SAG: variants seen among roughly 807,000 people sequenced by gnomAD.
SAG encodes the protein S-antigen visual arrestin, also known as S-arrestin.
A neutral mutation model predicts 55.0 loss-of-function variants in SAG; 45 were observed. The ratio of observed to expected loss-of-function variants is 0.82; its 90% confidence interval spans 0.64 to 1.05. SAG has a LOEUF of 1.05. SAG is among the 50% of genes least tolerant of loss of function. The pLI, the probability that SAG is intolerant of heterozygous loss-of-function variation, is 0.00. For missense variants in SAG, 455 were observed against 512.1 expected, an observed-to-expected ratio of 0.89 and a Z score of 1.08; for synonymous variants, 189 against 197.4, an observed-to-expected ratio of 0.96 and a Z score of 0.36.
intron 3 of SAG, among the ~76,000 whole-genome samples, chr2:233,318,148 C>A (rs1480364951): frequency 6.6e-6 from 1 of 151,528 alleles, no homozygotes; most frequent in African/African-American, 2.4e-5. Flanking sequence ...CCATGCCCTG[C>A]TAACTTTTTT....
chr2:233,327,401 C>G lies in SAG; in HGVS notation c.512+204C>G, dbSNP rs1700596254. On this transcript the variant is annotated intron_variant, in intron 7 of 15. Coordinates refer to ENST00000409110, the MANE Select transcript of SAG (RefSeq NM_000541.5). ...AGAAAATGACAGGGAAGTTAGCAAC[C>G]TCCAGGGCTCACGTAAGCCCCGAAA... The G allele has an allele frequency of 2.1e-5, 10 of 482,208 alleles. 1 individual carries two copies. In the South Asian group the frequency reaches 3.3e-4, roughly 16 times the overall value. 29.9% of individuals were successfully genotyped at this position (482,208 alleles called of 1,614,324 possible).
intron 13 of SAG, among the ~76,000 whole-genome samples, chr2:233,341,784 A>C (rs772837357): frequency 6.6e-6 from 1 of 152,198 alleles, no homozygotes; most frequent in Non-Finnish European, 1.5e-5. Flanking sequence ...TGATGGTTGC[A>C]TAACAGCGTA....
chr2:233,318,962 T>G, intron 4 of SAG, 167 bp downstream of exon 4: 1 of 737,522 alleles, frequency 1.4e-6, no homozygotes, highest in Non-Finnish European at 2.5e-6. Flanking sequence ...CTGTACCTAA[T>G]TCACGTGACA....
At chr2:233,329,455 C>T (rs777073377) in intron 8 of SAG, 38 bp from the exon 9 acceptor site, 2 of 1,260,704 alleles carry the variant, frequency 1.6e-6, no homozygotes, top group East Asian at 4.6e-5. Context: ...ACCGCCACAT[C>T]TGTTCTCTTC....
rs375593027 is a variant in SAG, at chr2:233,327,153, C to T, written c.468C>T (p.Phe156=). ...SCGVDFEVKA[F]ATDSTDAEED... Reference sequence around the variant, plus strand: ...GGGTTGACTTTGAGGTCAAAGCATTCGCCACAGACAGCACCGATGCCGAAG... The same window carrying T: ...GGGTTGACTTTGAGGTCAAAGCATTTGCCACAGACAGCACCGATGCCGAAG... The change falls in exon 7 of 16, where the codon TTC becomes TTT. Residue 156 remains phenylalanine (F), a synonymous_variant. Coordinates refer to ENST00000409110, the MANE Select transcript of SAG (RefSeq NM_000541.5). The T allele has an allele frequency of 1.8e-4, 295 of 1,613,696 alleles. No homozygotes were observed. Among genetic ancestry groups the T allele is most frequent in the Non-Finnish European group, 2.4e-4 (282 of 1,179,782 alleles).
intron 10 of SAG, 181 bp from the exon 11 acceptor site, chr2:233,334,781 C>A: frequency 1.6e-6 from 1 of 628,506 alleles, no homozygotes; most frequent in Non-Finnish European, 2.8e-6. Context: ...CCAGCCCACC[C>A]TGAGATTTCA....
Position 233,331,702 on chromosome 2 carries a change from G to C in SAG, c.796G>C (p.Glu266Gln). 6.2e-7 allele frequency: 1 copy of C among 1,613,278 alleles called. No homozygotes were observed. ...SDYYVKPVAM[E>Q]EAQEKVPPNS... ...TTATTACGTCAAGCCCGTGGCTATG[G>C]AGGAAGCGCAGTGAGTAGCTGTTGG... Residue 266 changes from glutamate (E) to glutamine (Q), a missense_variant, in exon 10 of 16, where the codon GAG (glutamate) becomes CAG (glutamine). Coordinates refer to ENST00000409110, the MANE Select transcript of SAG (RefSeq NM_000541.5).
At chr2:233,315,373 AC>A (rs541836349) in intron 2 of SAG, among the ~76,000 whole-genome samples, 1 of 135,972 alleles carries the variant, frequency 7.4e-6, no homozygotes, top group South Asian at 2.4e-4. Context: ...GCTCACTGCA[AC>A]CTCCACCTCC....
intron 14 of SAG, chr2:233,345,675 T>A (rs1321770237): frequency 6.6e-6 from 1 of 152,106 alleles, no homozygotes; most frequent in Non-Finnish European, 1.5e-5. Flanking sequence ...GAGCCGAGAT[T>A]GTGCCACTTC....
In SAG at chr2:233,318,680, A is replaced by G. The variant is rs370741272; in HGVS notation, c.137-71A>G. ...TACATGTGTAATTAAAAACATGCGC[A>G]GTTTTTAAAGTAGGTGTCTGGTTTC... On this transcript the variant is annotated intron_variant, in intron 3 of 15. Coordinates refer to ENST00000409110, the MANE Select transcript of SAG (RefSeq NM_000541.5). The G allele has an allele frequency of 1.8e-4, 230 of 1,268,998 alleles. 1 individual carries two copies. Among genetic ancestry groups the G allele is most frequent in the Non-Finnish European group, 2.3e-4 (199 of 868,286 alleles). 78.6% of individuals were successfully genotyped at this position (1,268,998 alleles called of 1,614,324 possible). A position where few individuals can be genotyped will look rare whatever the true frequency, so the allele number is the denominator to read the frequency against.
chr2:233,313,457 G>A (rs114496041), intron 2 of SAG, among the ~76,000 whole-genome samples: 353 of 152,246 alleles, frequency 2.3e-3, no homozygotes, highest in African/African-American at 8.2e-3. Context: ...CAGCAGAATA[G>A]CGAGGTCATA....
intron 6 of SAG, among the ~76,000 whole-genome samples, chr2:233,324,713 ACCCGTGGGTTC>A (rs1249221493): frequency 3.9e-5 from 6 of 152,064 alleles, no homozygotes; most frequent in African/African-American, 1.4e-4. Context: ...AGGTGCCAGG[ACCCGTGGGTTC>A]AGGCCCTCTA....
chr2:233,327,212 G>T lies in SAG; in HGVS notation c.512+15G>T. ...ATCCCCAAGAAGTAAGAGTATGGTT[G>T]CGGAATAGGTGAGGGGTCTGCGGTG... is the stretch of plus-strand genomic sequence containing the variant. On this transcript the variant is annotated intron_variant, in intron 7 of 15. Transcript: ENST00000409110. 1 of 1,609,600 alleles carries T rather than the reference G, an allele frequency of 6.2e-7. No homozygotes were observed. The highest frequency in any genetic ancestry group is 8.5e-7 in the Non-Finnish European group (1 of 1,175,988).
chr2:233,336,306 G>C (rs948709592), intron 11 of SAG, among the ~76,000 whole-genome samples: 1 of 152,154 alleles, frequency 6.6e-6, no homozygotes. Context: ...CCTAAGGTCA[G>C]GAGTTGGAGG....
At chr2:233,339,988 A>G (rs908587496) in intron 12 of SAG, among the ~76,000 whole-genome samples, 4 of 146,324 alleles carry the variant, frequency 2.7e-5, no homozygotes, top group African/African-American at 1.0e-4. Flanking sequence ...ACGGAGTCTT[A>G]TTCTGTCACC....
rs1271475546 is a variant in SAG at position 233,328,919 on chromosome 2, CCATGGGCCTTGTTCACT to C, written c.648+312_648+328del. 4 of 344,268 alleles carry C rather than the reference CCATGGGCCTTGTTCACT, an allele frequency of 1.2e-5. No homozygotes were observed. The East Asian group carries it at 2.1e-4, about 18-fold the overall frequency. 21.3% of individuals were successfully genotyped at this position (344,268 alleles called of 1,614,324 possible). A position where few individuals can be genotyped will look rare whatever the true frequency, so the allele number is the denominator to read the frequency against. On this transcript the variant is annotated intron_variant, in intron 8 of 15. Transcript: ENST00000409110. ...CCAGCTGTCCTTGTCCTGTCCACCTCCATGGGCCTTGTTCACTCATGGAGCATCAATAGCTGTGGTAT... is the reference window on the plus strand; with the variant it reads ...CCAGCTGTCCTTGTCCTGTCCACCTCCATGGAGCATCAATAGCTGTGGTAT...
intron 12 of SAG, 108 bp downstream of exon 12, chr2:233,338,861 G>C (rs1351745486): frequency 1.1e-6 from 1 of 912,196 alleles, no homozygotes; most frequent in East Asian, 2.4e-5. Flanking sequence ...AAGGCCCATA[G>C]CTTCTACCAA....
rs3792102 is a variant in SAG at position 233,320,012 on chromosome 2, C to A, written c.182-618C>A. On this transcript the variant is annotated intron_variant, in intron 4 of 15. Transcript: ENST00000409110. The stretch of plus-strand genomic sequence containing the variant: ...CATACAATTCTTCTGGTCTACTGGG[C>A]GCACACTTCAGGTCTGTTCAACAAG... The A allele has an allele frequency of 8.3e-4, 816 of 982,028 alleles. 8 individuals are homozygous for A. In the East Asian group the frequency reaches 0.034, roughly 41 times the overall value. 60.8% of individuals were successfully genotyped at this position (982,028 alleles called of 1,614,324 possible). A position where few individuals can be genotyped will look rare whatever the true frequency, so the allele number is the denominator to read the frequency against.
intron 9 of SAG, among the ~76,000 whole-genome samples, chr2:233,331,089 A>G (rs66706635): frequency 0.13 from 19,364 of 152,060 alleles, 1,444 homozygotes; most frequent in African/African-American, 0.19. Flanking sequence ...AAGGTGATTA[A>G]AAGTCATCTT....
Sources: allele counts gnomAD v4.1 joint callset (sites outside exome capture counted in the v4.1 genomes callset), GRCh38; gene constraint gnomAD v4.1.1; transcripts MANE v1.5; gene names NCBI Gene and HGNC (gene_info 2026-07-23, HGNC 2026-07-21).